Variants in IMPACT observed in about 807,000 individuals in gnomAD.
IMPACT encodes impact RWD domain protein.
Under a neutral mutation model 47.5 loss-of-function variants are expected in IMPACT, and 35 were observed. The observed-to-expected ratio is 0.74, with a 90% CI of 0.56 to 0.98. IMPACT has a LOEUF of 0.98. IMPACT is among the 50% of genes least tolerant of loss of function. The probability of loss-of-function intolerance (pLI) is 0.00; values close to 1 mark genes in which losing one functional copy is unlikely to be tolerated. For missense variants in IMPACT, 373 were observed against 394.8 expected (o/e 0.94, Z 0.47); for synonymous variants, 118 against 125.6 (o/e 0.94, Z 0.40).
intron 4 of IMPACT, among the ~76,000 whole-genome samples, chr18:24,436,274 T>C (rs1908938519): frequency 6.6e-6 from 1 of 152,194 alleles, no homozygotes; most frequent in Non-Finnish European, 1.5e-5. Context: ...AGATGAAGTC[T>C]TGCTGTGTCG....
chr18:24,434,801 G>T, intron 4 of IMPACT, among the ~76,000 whole-genome samples: 2 of 144,314 alleles, frequency 1.4e-5, no homozygotes, highest in Admixed American at 6.9e-5. Context: ...ATATATGTGT[G>T]TGTGTGTGTA....
Position 24,449,853 on chromosome 18 carries a change from C to T in IMPACT, c.794C>T (p.Ser265Leu). ...GTGAAGAATGTCATGGTGGTAGTAT[C>T]ACGCTGGTATGGAGGGATTCTGCTA... ...LNVKNVMVVV[S>L]RWYGGILLGP... Residue 265 changes from serine (S) to leucine (L), a missense_variant, in exon 10 of 11, where the codon TCA (serine) becomes TTA (leucine). Transcript: ENST00000284202. 6.2e-7 allele frequency: 1 copy of T among 1,613,052 alleles called. No homozygotes were observed. The highest frequency in any genetic ancestry group is 8.5e-7 in the Non-Finnish European group (1 of 1,179,482).
rs1408431259 is a variant in IMPACT, at chr18:24,426,754, C to T, written c.-3C>T. ...GCGGCTGCAGGGCAGGTCCAGGGGC[C>T]ACATGGCTGAGGGGGACGCAGGGAG... On this transcript the variant is annotated 5_prime_UTR_variant, in exon 1 of 11. Coordinates refer to ENST00000284202, the MANE Select transcript of IMPACT (RefSeq NM_018439.4). The T allele has an allele frequency of 7.2e-6, 9 of 1,244,238 alleles. No individual in the cohort carries two copies. Among genetic ancestry groups the T allele is most frequent in the Non-Finnish European group, 9.1e-6 (9 of 992,334 alleles). The allele number at this position is 1,244,238 out of a possible 1,614,324, so 77.1% of individuals were successfully genotyped here.
At chr18:24,427,841 G>A in intron 1 of IMPACT, 78 bp from the exon 2 acceptor site, 1 of 1,382,286 alleles carries the variant, frequency 7.2e-7, no homozygotes, top group South Asian at 1.3e-5. Context: ...TGTTGAATTT[G>A]AATACCTTAT....
intron 9 of IMPACT, among the ~76,000 whole-genome samples, chr18:24,449,235 T>C (rs1454856711): frequency 6.6e-6 from 1 of 152,104 alleles, no homozygotes; most frequent in Admixed American, 6.5e-5. Context: ...TGGTGGTGCA[T>C]GCACCTGTAG....
At chr18:24,430,234 C>T in intron 3 of IMPACT, 88 bp from the exon 4 acceptor site, 7 of 904,924 alleles carry the variant, frequency 7.7e-6, no homozygotes, top group Non-Finnish European at 9.9e-6. Context: ...TTTTTAAAGC[C>T]AAAAAAATTT....
Position 24,450,830 on chromosome 18 carries a change from AAG to A in IMPACT, c.949_950del (p.Arg317GlufsTer2). On this transcript the variant is annotated frameshift_variant, in exon 11 of 11. Transcript: ENST00000284202. LOFTEE classifies it high-confidence loss of function. The stretch of plus-strand genomic sequence containing the variant: ...GAACAAAAAAGTAAGAAAAGACAAG[AAG>A]AGGAATGAACATTAATACCTGAAAC... ...GKNKKVRKDK[K>X]RNEH 6.2e-7 allele frequency: 1 copy of A among 1,604,002 alleles called. No homozygotes were observed. Among genetic ancestry groups the A allele is most frequent in the Non-Finnish European group, 8.5e-7 (1 of 1,171,458 alleles).
chr18:24,447,444 C>T (rs1457785321), intron 8 of IMPACT, among the ~76,000 whole-genome samples: 1 of 151,880 alleles, frequency 6.6e-6, no homozygotes, highest in East Asian at 1.9e-4. Flanking sequence ...GTATTGTAGG[C>T]CTACATTATT....
Position 24,448,066 on chromosome 18 carries a change from G to A in IMPACT, c.669-27G>A, listed in dbSNP as rs528684599. On this transcript the variant is annotated intron_variant, in intron 8 of 10. Transcript: ENST00000284202. ...TTTATTATAATATTTTAGTTTCAAA[G>A]TGTAATACTCTTACATGTATTTGCA... 7.9e-5 allele frequency: 107 copies of A among 1,351,232 alleles called. No individual in the cohort carries two copies. The Middle Eastern group carries it at 2.0e-3, about 25-fold the overall frequency. The allele number at this position is 1,351,232 out of a possible 1,614,324, so 83.7% of individuals were successfully genotyped here. A position where few individuals can be genotyped will look rare whatever the true frequency, so the allele number is the denominator to read the frequency against.
intron 9 of IMPACT, among the ~76,000 whole-genome samples, chr18:24,449,618 A>T (rs899017493): frequency 1.3e-5 from 2 of 152,142 alleles, no homozygotes; most frequent in Non-Finnish European, 2.9e-5. Flanking sequence ...GGTTTTCCAG[A>T]TTCCCTTCTG....
At chr18:24,433,585 CCTCTCAGCCTCCTGA>C (rs1206985946) in intron 4 of IMPACT, among the ~76,000 whole-genome samples, 1 of 151,442 alleles carries the variant, frequency 6.6e-6, no homozygotes, top group African/African-American at 2.4e-5. Context: ...GATCCTCCTG[CCTCTCAGCCTCCTGA>C]GTAGCTGGGA....
rs554495930 is a variant in IMPACT, at chr18:24,452,666, A to C, written c.*1819A>C. On this transcript the variant is annotated 3_prime_UTR_variant, in exon 11 of 11. Transcript: ENST00000284202. ...TACTTCACACTCTACTCTTAATGGA[A>C]ACTTGAACTAATGATAGATAGTATT... The C allele has an allele frequency of 6.6e-6, 1 of 152,310 alleles. No individual in the cohort carries two copies. Among genetic ancestry groups the C allele is most frequent in the Admixed American group, 6.5e-5 (1 of 15,290 alleles). 9.4% of individuals were successfully genotyped at this position (152,310 alleles called of 1,614,324 possible).
intron 6 of IMPACT, 56 bp downstream of exon 6, chr18:24,440,674 T>TTA (rs1426146676): frequency 1.4e-6 from 2 of 1,416,190 alleles, no homozygotes; most frequent in African/African-American, 3.0e-5. Flanking sequence ...GTATTATGTA[T>TTA]TGTTCTTTGA....
Position 24,450,808 on chromosome 18 carries a change from C to A in IMPACT, c.924C>A (p.Asn308Lys). 6.2e-7 allele frequency: 1 copy of A among 1,609,296 alleles called. No individual in the cohort carries two copies. The highest frequency in any genetic ancestry group is 8.5e-7 in the Non-Finnish European group (1 of 1,176,734). The part of the protein sequence containing the change: ...PEESSKALGK[N>K]KKVRKDKKRN... ...AGTCATCTAAGGCTTTGGGAAAGAA[C>A]AAAAAAGTAAGAAAAGACAAGAAGA... Residue 308 changes from asparagine (N) to lysine (K), a missense_variant, in exon 11 of 11, where the codon AAC (asparagine) becomes AAA (lysine). Coordinates refer to ENST00000284202, the MANE Select transcript of IMPACT (RefSeq NM_018439.4).
chr18:24,449,415 G>T (rs10502444), intron 9 of IMPACT, among the ~76,000 whole-genome samples: 1 of 152,086 alleles, frequency 6.6e-6, no homozygotes, highest in Non-Finnish European at 1.5e-5. Flanking sequence ...TTGATGCCTC[G>T]TGCAGCCCCT....
intron 6 of IMPACT, 130 bp from the exon 7 acceptor site, chr18:24,442,919 G>A (rs1909153421): frequency 4.2e-6 from 2 of 478,430 alleles, no homozygotes; most frequent in Non-Finnish European, 7.4e-6. Context: ...TTGGTAGATA[G>A]CGATTAATGG....
intron 7 of IMPACT, among the ~76,000 whole-genome samples, chr18:24,445,053 T>G (rs1378966060): frequency 1.3e-5 from 2 of 152,234 alleles, no homozygotes; most frequent in African/African-American, 2.4e-5. Flanking sequence ...ATTGGATGTA[T>G]ACATTTGGTA....
At chr18:24,432,017 TA>T (rs2144332645) in intron 4 of IMPACT, among the ~76,000 whole-genome samples, 1 of 152,256 alleles carries the variant, frequency 6.6e-6, no homozygotes, top group South Asian at 2.1e-4. Context: ...CTAATTTTTT[TA>T]AAAATTATTT....
intron 9 of IMPACT, among the ~76,000 whole-genome samples, chr18:24,448,560 G>A (rs596886): frequency 0.92 from 139,601 of 151,750 alleles, 64,387 homozygotes; most frequent in Admixed American, 0.95. Context: ...TTTTTAAATT[G>A]AGTTGTCCAT....
Sources: allele counts gnomAD v4.1 joint callset (sites outside exome capture counted in the v4.1 genomes callset), GRCh38; gene constraint gnomAD v4.1.1; transcripts MANE v1.5; gene names NCBI Gene and HGNC (gene_info 2026-07-23, HGNC 2026-07-21).